Variants in CHLSN observed in about 807,000 individuals in gnomAD.
CHLSN encodes protein cholesin.
the CHLSN span, among the ~76,000 whole-genome samples, chr7:1,122,689 C>G: frequency 6.6e-6 from 1 of 152,164 alleles, no homozygotes; most frequent in African/African-American, 2.4e-5. Flanking sequence ...CCTCACAACC[C>G]GCTCAAGTGG....
chr7:1,119,509 G>A, the CHLSN span, among the ~76,000 whole-genome samples: 136 of 152,316 alleles, frequency 8.9e-4, no homozygotes, highest in African/African-American at 3.0e-3. Context: ...ACCTGCAAGT[G>A]TACTTCCCAG....
chr7:1,108,400 C>T, the CHLSN span, among the ~76,000 whole-genome samples: 1 of 149,122 alleles, frequency 6.7e-6, no homozygotes, highest in South Asian at 2.2e-4. Flanking sequence ...CCGCGCTCTG[C>T]GGGGAAGCAG....
At chr7:1,106,355 T>C in the CHLSN span, among the ~76,000 whole-genome samples, 1 of 152,128 alleles carries the variant, frequency 6.6e-6, no homozygotes, top group East Asian at 1.9e-4. Context: ...CAGAGACACG[T>C]CCTTCCAGCG....
the CHLSN span, chr7:1,137,979 T>A: frequency 6.8e-6 from 1 of 146,394 alleles, no homozygotes; most frequent in African/African-American, 2.6e-5. Flanking sequence ...CGGGTGCGGG[T>A]GTCGGAGCCC....
At chr7:1,083,287 C>G in the CHLSN span, among the ~76,000 whole-genome samples, 824 of 152,342 alleles carry the variant, frequency 5.4e-3, 8 homozygotes, top group African/African-American at 0.019. Context: ...GCCAGATGGT[C>G]TCTGAGTGCA....
At chr7:1,016,723 A>ACACACCAGCG in the CHLSN span, among the ~76,000 whole-genome samples, 83 of 83,354 alleles carry the variant, frequency 1.0e-3, no homozygotes, top group African/African-American at 5.2e-3. Flanking sequence ...GCACAGCAGC[A>ACACACCAGCG]CACAGCAGCA....
chr7:1,021,470 C>A, the CHLSN span: 7 of 985,344 alleles, frequency 7.1e-6, no homozygotes, highest in African/African-American at 1.2e-4. Flanking sequence ...GCAGTGGTGG[C>A]CACCTGGGCT....
chr7:1,021,014 G>C, the CHLSN span, among the ~76,000 whole-genome samples: 1 of 133,270 alleles, frequency 7.5e-6, no homozygotes, highest in Non-Finnish European at 1.6e-5. Context: ...GGGGACCTTC[G>C]GGCAGGTACC....
chr7:987,145 G>C, the CHLSN span: 3 of 1,573,614 alleles, frequency 1.9e-6, no homozygotes, highest in Non-Finnish European at 8.6e-7. Context: ...AGGCCAACGC[G>C]GTGGCCTGCA....
the CHLSN span, among the ~76,000 whole-genome samples, chr7:1,106,769 C>T: frequency 6.6e-6 from 1 of 152,218 alleles, no homozygotes; most frequent in African/African-American, 2.4e-5. Context: ...GCTGTGCTCC[C>T]AGCTCCCAAA....
the CHLSN span, among the ~76,000 whole-genome samples, chr7:1,084,489 T>C: frequency 6.6e-6 from 1 of 152,226 alleles, no homozygotes; most frequent in Non-Finnish European, 1.5e-5. Context: ...CGTGGTACTG[T>C]GAGCACCTCC....
At chr7:1,135,317 G>GTA in the CHLSN span, among the ~76,000 whole-genome samples, 9 of 151,652 alleles carry the variant, frequency 5.9e-5, no homozygotes, top group Non-Finnish European at 8.8e-5. Flanking sequence ...ACTCAACTGT[G>GTA]TATATATATA....
At chr7:1,115,239 T>C in the CHLSN span, among the ~76,000 whole-genome samples, 2 of 152,258 alleles carry the variant, frequency 1.3e-5, no homozygotes, top group African/African-American at 2.4e-5. Flanking sequence ...ATTTTCATCA[T>C]GTCTGGGTGT....
chr7:1,117,289 GGAT>G, the CHLSN span, among the ~76,000 whole-genome samples: 13 of 78,812 alleles, frequency 1.6e-4, no homozygotes, highest in African/African-American at 2.0e-4. Flanking sequence ...CGCCCACGCA[GGAT>G]GATGACATCA....
the CHLSN span, among the ~76,000 whole-genome samples, chr7:985,554 G>A: frequency 2.0e-5 from 3 of 152,222 alleles, no homozygotes; most frequent in African/African-American, 2.4e-5. Flanking sequence ...TCTCCCCCAC[G>A]CCCTCATCAG....
At chr7:1,077,371 G>A in the CHLSN span, among the ~76,000 whole-genome samples, 1 of 152,220 alleles carries the variant, frequency 6.6e-6, no homozygotes, top group Non-Finnish European at 1.5e-5. Context: ...TAGCCAGGAT[G>A]GTCTCTATCT....
At chr7:1,077,878 C>T in the CHLSN span, 1 of 152,264 alleles carries the variant, frequency 6.6e-6, no homozygotes, top group Non-Finnish European at 1.5e-5. Flanking sequence ...GCTTTGTGTA[C>T]TTTCTCTGGG....
the CHLSN span, among the ~76,000 whole-genome samples, chr7:1,012,936 G>C: frequency 6.6e-6 from 1 of 152,272 alleles, no homozygotes; most frequent in Non-Finnish European, 1.5e-5. Context: ...AGCGACCTCA[G>C]CTATCTTGGG....
the CHLSN span, among the ~76,000 whole-genome samples, chr7:1,094,334 G>C: frequency 6.6e-6 from 1 of 152,212 alleles, no homozygotes; most frequent in African/African-American, 2.4e-5. Context: ...AGAAACCTGC[G>C]CAGGGCGTCG....
Sources: allele counts gnomAD v4.1 joint callset (sites outside exome capture counted in the v4.1 genomes callset), GRCh38; gene constraint gnomAD v4.1.1; transcripts MANE v1.5; gene names NCBI Gene and HGNC (gene_info 2026-07-23, HGNC 2026-07-21).